Variants in CPNE4 observed in about 807,000 individuals in gnomAD.
CPNE4 encodes copine-4.
CPNE4 carries 25 observed loss-of-function variants against 67.9 expected under a neutral mutation model. The observed-to-expected ratio is 0.37, with a 90% CI of 0.27 to 0.51. The LOEUF is 0.51. Ranked by LOEUF, CPNE4 falls within the 20% of genes least tolerant of loss-of-function variation. The pLI is 0.93. For missense variants in CPNE4, 464 were observed against 690.8 expected, an observed-to-expected ratio of 0.67 and a Z score of 3.68; for synonymous variants, 242 against 244.9, an observed-to-expected ratio of 0.99 and a Z score of 0.11.
intron 2 of CPNE4, among the ~76,000 whole-genome samples, chr3:131,901,055 C>T (rs2088535591): frequency 6.6e-6 from 1 of 152,086 alleles, no homozygotes; most frequent in African/African-American, 2.4e-5. Context: ...AACAAGTACT[C>T]CTCCAATCAT....
At chr3:131,964,763 GTGA>G (rs1279804181) in intron 1 of CPNE4, among the ~76,000 whole-genome samples, 1 of 152,082 alleles carries the variant, frequency 6.6e-6, no homozygotes, top group African/African-American at 2.4e-5. Flanking sequence ...GTATCTGAAA[GTGA>G]TGAGGAGAAT....
At chr3:131,927,322 T>C (rs1239314795) in intron 1 of CPNE4, among the ~76,000 whole-genome samples, 1 of 99,576 alleles carries the variant, frequency 1.0e-5, no homozygotes. Flanking sequence ...CATCCCTCTC[T>C]AATCTTTCAG....
chr3:131,865,915 TG>T (rs2086925512), intron 2 of CPNE4, among the ~76,000 whole-genome samples: 1 of 152,196 alleles, frequency 6.6e-6, no homozygotes, highest in African/African-American at 2.4e-5. Context: ...GACACTTCTA[TG>T]GGGAGCTGTA....
intron 2 of CPNE4, among the ~76,000 whole-genome samples, chr3:131,761,882 C>A (rs2082899823): frequency 6.6e-6 from 1 of 152,104 alleles, no homozygotes; most frequent in Admixed American, 6.6e-5. Flanking sequence ...TAAAACCCTG[C>A]ATTAGCATTG....
chr3:131,669,834 A>G (rs1404992579), intron 6 of CPNE4, 70 bp from the exon 7 acceptor site: 1 of 1,196,244 alleles, frequency 8.4e-7, no homozygotes, highest in South Asian at 1.3e-5. Context: ...CCACATTAAA[A>G]CTGCTTGAGA....
intron 2 of CPNE4, among the ~76,000 whole-genome samples, chr3:131,826,819 G>A (rs2085177761): frequency 1.3e-5 from 2 of 151,978 alleles, no homozygotes; most frequent in African/African-American, 2.4e-5. Context: ...ATCACTTGAA[G>A]CCAAGAGTTT....
intron 7 of CPNE4, among the ~76,000 whole-genome samples, chr3:131,592,931 G>A (rs774349551): frequency 1.3e-5 from 2 of 152,096 alleles, no homozygotes; most frequent in Admixed American, 6.5e-5. Flanking sequence ...CTGAGGGATC[G>A]GGTTACTCCC....
chr3:131,959,352 A>G (rs2072098424), intron 1 of CPNE4, among the ~76,000 whole-genome samples: 1 of 151,902 alleles, frequency 6.6e-6, no homozygotes, highest in South Asian at 2.1e-4. Flanking sequence ...AGTTAATAAT[A>G]AGGACCCCTG....
At chr3:131,843,726 G>T (rs953794593) in intron 2 of CPNE4, among the ~76,000 whole-genome samples, 1 of 152,126 alleles carries the variant, frequency 6.6e-6, no homozygotes, top group African/African-American at 2.4e-5. Flanking sequence ...TCCCTTGCAG[G>T]GTTCCTATGA....
chr3:131,964,808 T>TCACACACCAGGGCC (rs2072295564), intron 1 of CPNE4, among the ~76,000 whole-genome samples: 1 of 152,150 alleles, frequency 6.6e-6, no homozygotes, highest in African/African-American at 2.4e-5. Context: ...CTTCAGGATA[T>TCACACACCAGGGCC]TGTCTAGGAG....
intron 2 of CPNE4, among the ~76,000 whole-genome samples, chr3:131,812,530 C>T (rs1255062408): frequency 6.6e-6 from 1 of 152,222 alleles, no homozygotes; most frequent in East Asian, 1.9e-4. Flanking sequence ...ACAAAAGAAT[C>T]TGAGCTTTTC....
chr3:131,994,770 GA>G, intron 1 of CPNE4, among the ~76,000 whole-genome samples: 1 of 152,138 alleles, frequency 6.6e-6, no homozygotes, highest in Non-Finnish European at 1.5e-5. Flanking sequence ...GGATAAAACA[GA>G]TTTTTAAAAA....
chr3:131,606,794 T>TA (rs143455566), intron 7 of CPNE4, among the ~76,000 whole-genome samples: 6,428 of 152,160 alleles, frequency 0.042, 440 homozygotes, highest in African/African-American at 0.14. Context: ...AGCCACCCTC[T>TA]AAATGTCTGG....
At chr3:132,030,867 A>C (rs1263451135) in intron 1 of CPNE4, among the ~76,000 whole-genome samples, 3 of 152,240 alleles carry the variant, frequency 2.0e-5, no homozygotes, top group Admixed American at 1.3e-4. Context: ...ATATTCACTG[A>C]GTTTAACACT....
intron 14 of CPNE4, among the ~76,000 whole-genome samples, chr3:131,547,830 A>G (rs1168511491): frequency 6.6e-6 from 1 of 152,196 alleles, no homozygotes; most frequent in African/African-American, 2.4e-5. Flanking sequence ...CATGCCCCAC[A>G]GATCAGACCC....
intron 1 of CPNE4, among the ~76,000 whole-genome samples, chr3:132,018,656 C>T (rs2073934851): frequency 6.6e-6 from 1 of 152,100 alleles, no homozygotes; most frequent in African/African-American, 2.4e-5. Context: ...ACATTTCCAC[C>T]ACCATCACAA....
At chr3:131,948,142 G>A (rs1474714976) in intron 1 of CPNE4, among the ~76,000 whole-genome samples, 3 of 152,082 alleles carry the variant, frequency 2.0e-5, no homozygotes, top group Non-Finnish European at 4.4e-5. Flanking sequence ...TCTTTTGGAT[G>A]TTTATATGAT....
intron 2 of CPNE4, among the ~76,000 whole-genome samples, chr3:131,904,561 T>C (rs975595856): frequency 1.3e-5 from 2 of 152,104 alleles, no homozygotes; most frequent in Non-Finnish European, 2.9e-5. Flanking sequence ...TCACCCTGTT[T>C]TGGGCTTGGT....
chr3:131,593,218 A>G (rs1434369865), intron 7 of CPNE4, among the ~76,000 whole-genome samples: 1 of 152,174 alleles, frequency 6.6e-6, no homozygotes, highest in East Asian at 1.9e-4. Context: ...TGAGATTTTA[A>G]TGGAGATAAC....
Sources: allele counts gnomAD v4.1 joint callset (sites outside exome capture counted in the v4.1 genomes callset), GRCh38; gene constraint gnomAD v4.1.1; transcripts MANE v1.5; gene names NCBI Gene and HGNC (gene_info 2026-07-23, HGNC 2026-07-21).